Variants in RDH5 observed in about 807,000 individuals in gnomAD.
RDH5 encodes retinol dehydrogenase 5.
In RDH5, 25 loss-of-function variants were observed where a neutral mutation model predicts 24.0. The observed-to-expected ratio is 1.04, with a 90% CI of 0.76 to 1.46. The LOEUF is 1.46. Ranked by LOEUF, RDH5 falls within the 40% of genes most tolerant of loss-of-function variation. The probability of loss-of-function intolerance (pLI) is 0.00; values close to 1 mark genes in which losing one functional copy is unlikely to be tolerated. For missense variants in RDH5, 369 were observed against 410.3 expected (o/e 0.90, Z 0.87); for synonymous variants, 170 against 175.2 (o/e 0.97, Z 0.23).
At chr12:55,722,672 C>G (rs1876983967) in intron 3 of RDH5, 1 of 151,644 alleles carries the variant, frequency 6.6e-6, no homozygotes, top group Admixed American at 6.6e-5. Context: ...ATTAGCTGGG[C>G]TTACAGGCAC....
Position 55,721,755 on chromosome 12 carries a change from G to C in RDH5, c.377G>C (p.Arg126Pro). The stretch of plus-strand genomic sequence containing the variant: ...ATCGGACCCACACCATGGCTGACCC[G>C]GGACGATTTCCAGCGGGTGCTGAAT... The part of the protein sequence containing the change: ...GIIGPTPWLT[R>P]DDFQRVLNVN... Residue 126 changes from arginine (R) to proline (P), a missense_variant, in exon 3 of 5, where the codon CGG (arginine) becomes CCG (proline). Coordinates refer to ENST00000257895, the MANE Select transcript of RDH5 (RefSeq NM_002905.5). The surrounding 1 kb of genome is among the most constrained non-coding windows in gnomAD (Gnocchi z 4.7). 6.2e-7 allele frequency: 1 copy of C among 1,613,782 alleles called. No homozygotes were observed. The highest frequency in any genetic ancestry group is 8.5e-7 in the Non-Finnish European group (1 of 1,180,022).
intron 1 of RDH5, chr12:55,720,883 C>CA (rs4016511): frequency 0.058 from 5,714 of 98,650 alleles, 134 homozygotes; most frequent in South Asian, 0.081. Context: ...GACTCCATCT[C>CA]AAAAAAAAAA....
In RDH5 at chr12:55,721,395, G is replaced by A. The variant is rs756883279; in HGVS notation, c.211G>A (p.Val71Met). The part of the protein sequence containing the change: ...TPSGAEDLQR[V>M]ASSRLHTTLL... Reference sequence around the variant, plus strand: ...CTCCGGGGCCGAGGACCTGCAGCGGGTGGCCTCCTCCCGCCTCCACACCAC... The same window carrying A: ...CTCCGGGGCCGAGGACCTGCAGCGGATGGCCTCCTCCCGCCTCCACACCAC... Residue 71 changes from valine to methionine, a missense_variant, in exon 2 of 5, where the codon GTG becomes ATG. By Grantham distance (21) the Val-to-Met change is conservative (BLOSUM62 1). Coordinates refer to ENST00000257895, the MANE Select transcript of RDH5 (RefSeq NM_002905.5). This position sits in a 1 kb window ranked among gnomAD's most constrained non-coding sequence, Gnocchi z 4.7. 2 of 1,613,872 alleles carry A rather than the reference G, an allele frequency of 1.2e-6. No homozygotes were observed. Among genetic ancestry groups the A allele is most frequent in the Non-Finnish European group, 1.7e-6 (2 of 1,180,024 alleles).
Position 55,724,380 on chromosome 12 carries a change from G to A in RDH5, c.792G>A (p.Val264=), listed in dbSNP as rs746999951. 44 of 1,614,204 alleles carry A rather than the reference G, an allele frequency of 2.7e-5. No homozygotes were observed. The highest frequency in any genetic ancestry group is 3.4e-5 in the Non-Finnish European group (40 of 1,180,046). ...TCTGTGACCCGGACCTAACCAAGGT[G>A]AGCCGATGCCTGGAGCATGCCCTGA... The part of the protein sequence containing the change: ...NLICDPDLTK[V]SRCLEHALTA... Residue 264 remains valine, a synonymous_variant, in exon 5 of 5, where the codon GTG becomes GTA. Transcript: ENST00000257895.
Position 55,724,058 on chromosome 12 carries a change from CCAGGCCCACA to C in RDH5, c.733+14_733+23del. 1 of 1,606,898 alleles carries C rather than the reference CCAGGCCCACA, an allele frequency of 6.2e-7. No individual in the cohort carries two copies. The highest frequency in any genetic ancestry group is 8.5e-7 in the Non-Finnish European group (1 of 1,178,904). On this transcript the variant is annotated intron_variant, in intron 4 of 4. Transcript: ENST00000257895. Reference sequence around the variant, plus strand: ...GGCCTTCCTCACCAAGTGTGAGTAGCCAGGCCCACACAGGGGCACATGAAGGGAAACAAGT... The same window carrying C: ...GGCCTTCCTCACCAAGTGTGAGTAGCCAGGGGCACATGAAGGGAAACAAGT...
In RDH5 at chr12:55,721,646, G is replaced by A; in HGVS notation, c.311-43G>A. On this transcript the variant is annotated intron_variant, in intron 2 of 4. Coordinates refer to ENST00000257895, the MANE Select transcript of RDH5 (RefSeq NM_002905.5). This position sits in a 1 kb window ranked among gnomAD's most constrained non-coding sequence, Gnocchi z 4.7. ...TCCCAGGAAGAAGAGGGAGCTGTGG[G>A]AGTGCCTCACCTACCCCCAGCATCC... is the stretch of plus-strand genomic sequence containing the variant. 1.2e-6 allele frequency: 2 copies of A among 1,603,060 alleles called. No individual in the cohort carries two copies. The highest frequency in any genetic ancestry group is 1.7e-6 in the Non-Finnish European group (2 of 1,179,884).
In RDH5 at chr12:55,721,074, T is replaced by C; in HGVS notation, c.-32-79T>C. The C allele has an allele frequency of 2.1e-6, 2 of 942,676 alleles. No individual in the cohort carries two copies. Among genetic ancestry groups the C allele is most frequent in the South Asian group, 1.3e-5 (1 of 75,676 alleles). The allele number at this position is 942,676 out of a possible 1,614,324, so 58.4% of individuals were successfully genotyped here. A position where few individuals can be genotyped will look rare whatever the true frequency, so the allele number is the denominator to read the frequency against. ...AATTTCTCAATATGCTCACACCAGA[T>C]GCTTCCAGCTAGGGAGGGTATTAGG... On this transcript the variant is annotated intron_variant, in intron 1 of 4. Coordinates refer to ENST00000257895, the MANE Select transcript of RDH5 (RefSeq NM_002905.5). The surrounding 1 kb of genome is among the most constrained non-coding windows in gnomAD (Gnocchi z 4.7).
chr12:55,723,998 C>T lies in RDH5; in HGVS notation c.682C>T (p.Arg228Trp), dbSNP rs747587996. 9 of 1,613,296 alleles carry T rather than the reference C, an allele frequency of 5.6e-6. No individual in the cohort carries two copies. Among genetic ancestry groups the T allele is most frequent in the East Asian group, 2.2e-5 (1 of 44,898 alleles). The change falls in exon 4 of 5, where the codon CGG becomes TGG. Residue 228 changes from arginine to tryptophan, a missense_variant. Transcript: ENST00000257895. ...GAAAACCCTGCAGGCCTGCTGGGCA[C>T]GGCTGCCTCCTGCCACACAGGCCCA... ...LEKTLQACWA[R>W]LPPATQAHYG...
intron 3 of RDH5, 116 bp downstream of exon 3, chr12:55,722,063 G>A: frequency 1.5e-5 from 16 of 1,085,176 alleles, no homozygotes; most frequent in Non-Finnish European, 2.1e-5. Context: ...GACAGTTTAG[G>A]GCTAGACTTC....
Position 55,724,354 on chromosome 12 carries a change from A to G in RDH5, c.766A>G (p.Ile256Val). Residue 256 changes from isoleucine to valine, a missense_variant, in exon 5 of 5, where the codon ATC becomes GTC. Ile to Val is a conservative substitution (Grantham distance 29). Transcript: ENST00000257895. Reference protein sequence around the residue: ...LKMQQRIMNLICDPDLTKVSR... With the variant: ...LKMQQRIMNLVCDPDLTKVSR... ...AATGCAACAGCGCATCATGAACCTG[A>G]TCTGTGACCCGGACCTAACCAAGGT... is the stretch of plus-strand genomic sequence containing the variant. 1.9e-5 allele frequency: 30 copies of G among 1,614,172 alleles called. No individual in the cohort carries two copies. Among genetic ancestry groups the G allele is most frequent in the Non-Finnish European group, 2.5e-5 (30 of 1,180,042 alleles).
In RDH5 at chr12:55,721,393, G is replaced by C; in HGVS notation, c.209G>C (p.Arg70Pro). 6.2e-7 allele frequency: 1 copy of C among 1,613,840 alleles called. No individual in the cohort carries two copies. The highest frequency in any genetic ancestry group is 8.5e-7 in the Non-Finnish European group (1 of 1,180,020). ...LTPSGAEDLQ[R>P]VASSRLHTTL... ...CCCTCCGGGGCCGAGGACCTGCAGCGGGTGGCCTCCTCCCGCCTCCACACC... is the reference window on the plus strand; with the variant it reads ...CCCTCCGGGGCCGAGGACCTGCAGCCGGTGGCCTCCTCCCGCCTCCACACC... Residue 70 changes from arginine to proline, a missense_variant, in exon 2 of 5, where the codon CGG becomes CCG. By Grantham distance (103) the Arg-to-Pro change is moderately radical. Transcript: ENST00000257895. The surrounding 1 kb of genome is among the most constrained non-coding windows in gnomAD (Gnocchi z 4.7).
Position 55,721,933 on chromosome 12 carries a change from C to A in RDH5, c.555C>A (p.Phe185Leu). The change falls in exon 3 of 5, where the codon TTC (phenylalanine) becomes TTA (leucine). Residue 185 changes from phenylalanine (F) to leucine (L), a missense_variant. Phe to Leu is a conservative substitution (Grantham distance 22, BLOSUM62 0). Coordinates refer to ENST00000257895, the MANE Select transcript of RDH5 (RefSeq NM_002905.5). The surrounding 1 kb of genome is among the most constrained non-coding windows in gnomAD (Gnocchi z 4.7). The stretch of plus-strand genomic sequence containing the variant: ...TCTCCAAATTTGGCCTGGAGGCCTT[C>A]TCTGACAGCCTGAGGTGAGGGGTAC... ...YCVSKFGLEA[F>L]SDSLRRDVAH... 2 of 1,613,160 alleles carry A rather than the reference C, an allele frequency of 1.2e-6. No homozygotes were observed. Among genetic ancestry groups the A allele is most frequent in the Non-Finnish European group, 1.7e-6 (2 of 1,179,716 alleles).
At chr12:55,722,274 C>T (rs1033828750) in intron 3 of RDH5, 14 of 258,872 alleles carry the variant, frequency 5.4e-5, no homozygotes, top group African/African-American at 1.3e-4. Flanking sequence ...CTCAGCCTCC[C>T]GAGTAGCTGG....
Position 55,721,401 on chromosome 12 carries a change from T to C in RDH5, c.217T>C (p.Ser73Pro), listed in dbSNP as rs1592520852. 6.2e-7 allele frequency: 1 copy of C among 1,613,696 alleles called. No homozygotes were observed. Among genetic ancestry groups the C allele is most frequent in the Non-Finnish European group, 8.5e-7 (1 of 1,179,976 alleles). Residue 73 changes from serine to proline, a missense_variant, in exon 2 of 5, where the codon TCC (serine) becomes CCC (proline). Transcript: ENST00000257895. This position sits in a 1 kb window ranked among gnomAD's most constrained non-coding sequence, Gnocchi z 4.7. ...GGCCGAGGACCTGCAGCGGGTGGCC[T>C]CCTCCCGCCTCCACACCACCCTGTT... ...SGAEDLQRVASSRLHTTLLDI... is the reference protein window; with the variant it reads ...SGAEDLQRVAPSRLHTTLLDI...
chr12:55,723,674 G>T, intron 3 of RDH5: 2 of 581,344 alleles, frequency 3.4e-6, no homozygotes, highest in African/African-American at 3.7e-5. Context: ...AGAAAAAAAC[G>T]TGCTGACCCC....
rs916168832 is a variant in RDH5 at position 55,724,684 on chromosome 12, G to A, written c.*139G>A. The stretch of plus-strand genomic sequence containing the variant: ...TTGTTTAAAAAATAAAAAGAAGGTG[G>A]GCAGAAATGTGCCCAGTGGAAGGCT... On this transcript the variant is annotated 3_prime_UTR_variant, in exon 5 of 5. Coordinates refer to ENST00000257895, the MANE Select transcript of RDH5 (RefSeq NM_002905.5). 2 of 880,268 alleles carry A rather than the reference G, an allele frequency of 2.3e-6. No homozygotes were observed. Among genetic ancestry groups the A allele is most frequent in the African/African-American group, 1.7e-5 (1 of 60,366 alleles). The allele number at this position is 880,268 out of a possible 1,614,324, so 54.5% of individuals were successfully genotyped here. A position where few individuals can be genotyped will look rare whatever the true frequency, so the allele number is the denominator to read the frequency against.
In RDH5 at chr12:55,721,193, G is replaced by C. The variant is rs1277862343; in HGVS notation, c.9G>C (p.Leu3=). 1.9e-6 allele frequency: 3 copies of C among 1,613,946 alleles called. No homozygotes were observed. In the South Asian group the frequency reaches 3.3e-5, roughly 18 times the overall value. The change falls in exon 2 of 5, where the codon CTG becomes CTC. Residue 3 remains leucine, a synonymous_variant. Transcript: ENST00000257895. This position sits in a 1 kb window ranked among gnomAD's most constrained non-coding sequence, Gnocchi z 4.7. MW[L]PLLLGALLWA... Reference sequence around the variant, plus strand: ...TCACTTGGGCTCCAGCTATGTGGCTGCCTCTTCTGCTGGGTGCCTTACTCT... The same window carrying C: ...TCACTTGGGCTCCAGCTATGTGGCTCCCTCTTCTGCTGGGTGCCTTACTCT...
Position 55,721,468 on chromosome 12 carries a change from G to A in RDH5, c.284G>A (p.Trp95Ter), listed in dbSNP as rs1876916255. 6 of 1,610,750 alleles carry A rather than the reference G, an allele frequency of 3.7e-6. No individual in the cohort carries two copies. Among genetic ancestry groups the A allele is most frequent in the Non-Finnish European group, 5.1e-6 (6 of 1,180,024 alleles). ...DPQSVQQAAK[W>*]VEMHVKEAGL... ...CAGAGCGTCCAGCAGGCAGCCAAGT[G>A]GGTGGAGATGCACGTTAAGGAAGCA... Residue 95 changes from tryptophan (W) to a stop codon, truncating the protein, a stop_gained, in exon 2 of 5, where the codon TGG becomes TAG. Coordinates refer to ENST00000257895, the MANE Select transcript of RDH5 (RefSeq NM_002905.5). LOFTEE classifies it high-confidence loss of function. The surrounding 1 kb of genome is among the most constrained non-coding windows in gnomAD (Gnocchi z 4.7).
intron 1 of RDH5, chr12:55,720,883 C>CCAA (rs1876875996): frequency 1.0e-5 from 1 of 96,438 alleles, no homozygotes. Context: ...GACTCCATCT[C>CCAA]AAAAAAAAAA....
Sources: gnomAD v4.1 joint callset for allele counts on GRCh38, gnomAD v4.1.1 for gene constraint, Gnocchi (gnomAD v3.1) non-coding constraint, MANE v1.5 for transcripts, NCBI Gene and HGNC (gene_info 2026-07-23, HGNC 2026-07-21) for gene names.